Variants in CNTN5 observed in about 807,000 individuals in gnomAD.
CNTN5 encodes the protein contactin-5.
In CNTN5, 77 loss-of-function variants were observed where a neutral mutation model predicts 129.1. The observed-to-expected ratio is 0.60, with a 90% CI of 0.50 to 0.72. The LOEUF (loss-of-function observed/expected upper bound fraction) is 0.72, where lower values mean the gene tolerates loss of function less well. Ranked by LOEUF, CNTN5 falls within the 30% of genes least tolerant of loss-of-function variation. The pLI is 0.00. For missense variants in CNTN5, 1,478 were observed against 1,328.8 expected, an observed-to-expected ratio of 1.11 and a Z score of -1.75; for synonymous variants, 509 against 465.6, an observed-to-expected ratio of 1.09 and a Z score of -1.20.
intron 6 of CNTN5, among the ~76,000 whole-genome samples, chr11:99,900,609 T>C (rs1949331314): frequency 6.6e-6 from 1 of 152,148 alleles, no homozygotes; most frequent in Non-Finnish European, 1.5e-5. Context: ...TTTCAATTTA[T>C]GTAATAGATA....
At chr11:99,074,098 T>C (rs1322624838) in intron 1 of CNTN5, among the ~76,000 whole-genome samples, 1 of 152,228 alleles carries the variant, frequency 6.6e-6, no homozygotes, top group Non-Finnish European at 1.5e-5. Flanking sequence ...TATCTCATTG[T>C]GGTTTTGATT....
intron 1 of CNTN5, among the ~76,000 whole-genome samples, chr11:99,076,141 C>A (rs1591150673): frequency 6.6e-6 from 1 of 151,984 alleles, no homozygotes. Context: ...TGAGACCAAC[C>A]TGACCAGCAT....
chr11:99,708,877 C>G (rs1954858651), intron 3 of CNTN5, among the ~76,000 whole-genome samples: 1 of 151,782 alleles, frequency 6.6e-6, no homozygotes, highest in African/African-American at 2.4e-5. Flanking sequence ...TGTCCATCCT[C>G]TCTTTCCCTT....
chr11:99,658,230 A>G (rs1043982447), intron 3 of CNTN5, among the ~76,000 whole-genome samples: 4 of 152,136 alleles, frequency 2.6e-5, no homozygotes, highest in African/African-American at 4.8e-5. Context: ...TAGTGTGCCA[A>G]TTTATGCAGG....
In CNTN5 at chr11:99,115,965, G is replaced by A. The variant is rs539834231; in HGVS notation, c.-210+94695G>A. Among the ~76,000 whole-genome samples the A allele has an allele frequency of 4.6e-5, 7 of 152,150 alleles. No homozygotes were observed. The East Asian group carries it at 1.4e-3, about 29-fold the overall frequency. On this transcript the variant is annotated intron_variant, in intron 1 of 24. Transcript: ENST00000524871. ...GGCTCATTTGTGAAAGAAGAGGTTT[G>A]GTGAAAAAATATGTTTCTGAAAATG...
At chr11:99,455,388 G>A (rs1397242362) in intron 2 of CNTN5, among the ~76,000 whole-genome samples, 1 of 151,442 alleles carries the variant, frequency 6.6e-6, no homozygotes, top group African/African-American at 2.4e-5. Flanking sequence ...AGAAATTTAG[G>A]AGAGAAGAAT....
chr11:100,069,103 G>C (rs957282051), intron 10 of CNTN5, among the ~76,000 whole-genome samples: 1 of 152,022 alleles, frequency 6.6e-6, no homozygotes, highest in African/African-American at 2.4e-5. Flanking sequence ...TCGGACATCT[G>C]CTACTCCGTT....
intron 8 of CNTN5, among the ~76,000 whole-genome samples, chr11:99,972,221 A>G (rs920989983): frequency 1.2e-4 from 19 of 152,152 alleles, no homozygotes; most frequent in African/African-American, 4.1e-4. Context: ...AGATTGCGCC[A>G]CTGCACTCCA....
At chr11:99,823,056 T>C (rs1946850017) in intron 4 of CNTN5, among the ~76,000 whole-genome samples, 1 of 152,138 alleles carries the variant, frequency 6.6e-6, no homozygotes, top group African/African-American at 2.4e-5. Flanking sequence ...ATCCTATGAG[T>C]AGTCACGTGA....
intron 13 of CNTN5, among the ~76,000 whole-genome samples, chr11:100,085,209 G>A (rs557311379): frequency 6.6e-6 from 1 of 151,950 alleles, no homozygotes; most frequent in Non-Finnish European, 1.5e-5. Context: ...TTCTCACAAT[G>A]ATGAGTTTCC....
chr11:99,174,807 A>T (rs1000361135), intron 1 of CNTN5, among the ~76,000 whole-genome samples: 1 of 151,982 alleles, frequency 6.6e-6, no homozygotes, highest in Non-Finnish European at 1.5e-5. Context: ...TAATTAACTT[A>T]TTAATGCGGT....
chr11:99,442,546 T>C (rs1383631311), intron 2 of CNTN5, among the ~76,000 whole-genome samples: 3 of 152,210 alleles, frequency 2.0e-5, no homozygotes, highest in African/African-American at 7.2e-5. Flanking sequence ...GACAGAGCTC[T>C]AGTGTTTTTC....
chr11:99,651,836 T>C (rs1293872802), intron 3 of CNTN5, among the ~76,000 whole-genome samples: 2 of 151,954 alleles, frequency 1.3e-5, no homozygotes, highest in African/African-American at 4.8e-5. Flanking sequence ...TACTTACCCA[T>C]ATGACTGAGA....
chr11:99,480,837 A>T (rs1415184435), intron 2 of CNTN5, among the ~76,000 whole-genome samples: 2 of 152,154 alleles, frequency 1.3e-5, no homozygotes, highest in Non-Finnish European at 2.9e-5. Flanking sequence ...AACAGTCCTC[A>T]TTCAACATCA....
At chr11:99,410,723 A>G (rs1942354534) in intron 2 of CNTN5, among the ~76,000 whole-genome samples, 1 of 152,344 alleles carries the variant, frequency 6.6e-6, no homozygotes, top group Non-Finnish European at 1.5e-5. Context: ...TGGCATGAAT[A>G]ATGTGTACAT....
intron 3 of CNTN5, among the ~76,000 whole-genome samples, chr11:99,570,442 G>C (rs1403772329): frequency 6.6e-6 from 1 of 152,202 alleles, no homozygotes; most frequent in African/African-American, 2.4e-5. Flanking sequence ...AAAGTTTCAA[G>C]TAGTCGTAGC....
At chr11:100,282,759 T>G (rs958584048) in intron 18 of CNTN5, among the ~76,000 whole-genome samples, 1 of 152,152 alleles carries the variant, frequency 6.6e-6, no homozygotes, top group Non-Finnish European at 1.5e-5. Flanking sequence ...GTCTACTTGG[T>G]GTTCTATTGT....
At chr11:99,175,152 T>C (rs1041538394) in intron 1 of CNTN5, among the ~76,000 whole-genome samples, 2 of 148,522 alleles carry the variant, frequency 1.3e-5, no homozygotes, top group African/African-American at 4.9e-5. Context: ...AAGGATTGCT[T>C]GAGCCCAGGA....
intron 3 of CNTN5, among the ~76,000 whole-genome samples, chr11:99,616,969 G>C (rs1032755354): frequency 2.6e-5 from 4 of 152,146 alleles, no homozygotes; most frequent in Non-Finnish European, 5.9e-5. Context: ...AAATTAGCTG[G>C]GCGTGGTGGC....
Sources: allele counts gnomAD v4.1 joint callset (sites outside exome capture counted in the v4.1 genomes callset), GRCh38; gene constraint gnomAD v4.1.1; transcripts MANE v1.5; gene names NCBI Gene and HGNC (gene_info 2026-07-23, HGNC 2026-07-21).